Variants in FAM117B observed in about 807,000 individuals in gnomAD.
The protein encoded by FAM117B is family with sequence similarity 117 member B, also known as protein FAM117B.
In FAM117B, 22 loss-of-function variants were observed where a neutral mutation model predicts 52.8. The observed-to-expected ratio is 0.42, with a 90% CI of 0.30 to 0.59. The LOEUF (loss-of-function observed/expected upper bound fraction) is 0.59, where lower values mean the gene tolerates loss of function less well. Ranked by LOEUF, FAM117B falls within the 20% of genes least tolerant of loss-of-function variation. FAM117B has a pLI of 0.22. For synonymous variants in FAM117B, 309 were observed against 324.1 expected, an observed-to-expected ratio of 0.95 and a Z score of 0.50; for missense variants, 678 against 802.6, an observed-to-expected ratio of 0.84 and a Z score of 1.88.
intron 1 of FAM117B, among the ~76,000 whole-genome samples, chr2:202,662,837 C>T (rs1346064245): frequency 6.6e-6 from 1 of 151,856 alleles, no homozygotes; most frequent in Non-Finnish European, 1.5e-5. Context: ...AGTGAGACTC[C>T]ATCTCAAAAG....
In FAM117B at chr2:202,652,328, T is replaced by C. The variant is rs188467332; in HGVS notation, c.601+16540T>C. ...GTTGCCCAGGCTGGCCTCAAACTCA[T>C]GGCTTCAGACAATCCTCTTTCTTTG... On this transcript the variant is annotated intron_variant, in intron 1 of 7. Coordinates refer to ENST00000392238, the MANE Select transcript of FAM117B (RefSeq NM_173511.4). 1.9e-4 allele frequency among the ~76,000 whole-genome samples: 29 copies of C among 152,210 alleles called. No individual in the cohort carries two copies. In the East Asian group the frequency reaches 4.8e-3, roughly 25 times the overall value.
intron 1 of FAM117B, among the ~76,000 whole-genome samples, chr2:202,667,083 C>T (rs1308336116): frequency 6.6e-6 from 1 of 152,002 alleles, no homozygotes; most frequent in African/African-American, 2.4e-5. Context: ...CTCCAGGCCT[C>T]TATTTGAGTT....
At chr2:202,652,121 C>G (rs991974057) in intron 1 of FAM117B, among the ~76,000 whole-genome samples, 3 of 148,890 alleles carry the variant, frequency 2.0e-5, no homozygotes, top group Admixed American at 1.3e-4. Flanking sequence ...TTTTTAAAGA[C>G]AAGGTCTTGC....
chr2:202,678,706 G>A (rs186684336), intron 1 of FAM117B, among the ~76,000 whole-genome samples: 15 of 152,278 alleles, frequency 9.9e-5, no homozygotes, highest in African/African-American at 2.9e-4. Flanking sequence ...ACAGGCATGC[G>A]CCACCACGCC....
chr2:202,736,912 A>T (rs1691446862), intron 4 of FAM117B, among the ~76,000 whole-genome samples: 1 of 141,242 alleles, frequency 7.1e-6, no homozygotes, highest in East Asian at 1.9e-4. Flanking sequence ...ACATTTTCAT[A>T]AAAAAAAAAA....
At chr2:202,708,146 G>T (rs1161655720) in intron 2 of FAM117B, among the ~76,000 whole-genome samples, 1 of 152,106 alleles carries the variant, frequency 6.6e-6, no homozygotes, top group Non-Finnish European at 1.5e-5. Flanking sequence ...AAATATAATA[G>T]GTATGATAAT....
At chr2:202,640,143 C>A (rs1271776783) in intron 1 of FAM117B, among the ~76,000 whole-genome samples, 1 of 150,536 alleles carries the variant, frequency 6.6e-6, no homozygotes. Flanking sequence ...TGGTGGCAGG[C>A]GCCTATAATC....
intron 1 of FAM117B, among the ~76,000 whole-genome samples, chr2:202,676,813 G>A (rs1690385461): frequency 6.6e-6 from 1 of 152,190 alleles, no homozygotes; most frequent in Non-Finnish European, 1.5e-5. Flanking sequence ...AGCCTTAGGA[G>A]GTTGAAAGAA....
At chr2:202,659,604 CTTTTTTTT>C (rs71030981) in intron 1 of FAM117B, among the ~76,000 whole-genome samples, 1,075 of 62,094 alleles carry the variant, frequency 0.017, 17 homozygotes, top group African/African-American at 0.063. Flanking sequence ...AGCCACCGTG[CTTTTTTTT>C]TTTTTTTTTT....
chr2:202,720,358 G>A (rs1033947557), intron 2 of FAM117B, among the ~76,000 whole-genome samples: 1 of 151,670 alleles, frequency 6.6e-6, no homozygotes, highest in Non-Finnish European at 1.5e-5. Flanking sequence ...CTACAGCTGT[G>A]ATTCAAGAGT....
intron 1 of FAM117B, among the ~76,000 whole-genome samples, chr2:202,648,561 A>C (rs1056900713): frequency 1.5e-5 from 2 of 135,272 alleles, no homozygotes; most frequent in African/African-American, 5.4e-5. Context: ...ATATGTATGT[A>C]TGTGTGTGTG....
intron 4 of FAM117B, among the ~76,000 whole-genome samples, chr2:202,750,773 A>G (rs555297667): frequency 1.3e-5 from 2 of 152,310 alleles, no homozygotes; most frequent in South Asian, 2.1e-4. Flanking sequence ...CTCTGTTCCC[A>G]GGTGTAGCTT....
chr2:202,733,800 A>G (rs1041657400), intron 4 of FAM117B, among the ~76,000 whole-genome samples: 4 of 152,352 alleles, frequency 2.6e-5, no homozygotes, highest in East Asian at 3.9e-4. Flanking sequence ...ATGTTGTACA[A>G]TCAATTTGTA....
chr2:202,662,334 T>A (rs1690142816), intron 1 of FAM117B, among the ~76,000 whole-genome samples: 1 of 151,994 alleles, frequency 6.6e-6, no homozygotes, highest in African/African-American at 2.4e-5. Flanking sequence ...TCTAAAAAAA[T>A]TCGTTTCATA....
chr2:202,749,503 A>G (rs1691688617), intron 4 of FAM117B, among the ~76,000 whole-genome samples: 1 of 151,932 alleles, frequency 6.6e-6, no homozygotes, highest in South Asian at 2.1e-4. Context: ...TTAAAAGTGT[A>G]TATGTATATA....
chr2:202,658,031 A>G (rs908504613), intron 1 of FAM117B, among the ~76,000 whole-genome samples: 4 of 152,162 alleles, frequency 2.6e-5, no homozygotes, highest in African/African-American at 7.2e-5. Context: ...TTTACATTAC[A>G]GTGATTCTAT....
chr2:202,759,335 A>G lies in FAM117B; in HGVS notation c.1433A>G (p.Lys478Arg). 1 of 1,613,788 alleles carries G rather than the reference A, an allele frequency of 6.2e-7. No individual in the cohort carries two copies. Among genetic ancestry groups the G allele is most frequent in the African/African-American group, 1.3e-5 (1 of 75,008 alleles). ...REPPEGCERV[K>R]VFEECSPKQL... ...CCTCCTGAGGGCTGTGAAAGGGTCA[A>G]AGTCTTTGAGGAATGCTCGTAAGTA... is the stretch of plus-strand genomic sequence containing the variant. The change falls in exon 7 of 8, where the codon AAA becomes AGA. Residue 478 changes from lysine to arginine, a missense_variant. Physicochemically the swap from Lys to Arg is conservative, Grantham distance 26. Transcript: ENST00000392238.
chr2:202,653,682 T>G (rs1490351365), intron 1 of FAM117B, among the ~76,000 whole-genome samples: 1 of 152,228 alleles, frequency 6.6e-6, no homozygotes, highest in Non-Finnish European at 1.5e-5. Context: ...ACACGTTAAT[T>G]GAACCTTAGA....
intron 3 of FAM117B, 63 bp downstream of exon 3, chr2:202,725,072 T>G: frequency 7.9e-7 from 1 of 1,268,422 alleles, no homozygotes; most frequent in Non-Finnish European, 1.1e-6. Flanking sequence ...GCTATTTCCT[T>G]GATATTATGG....
Sources: gnomAD v4.1 joint callset for allele counts (sites outside exome capture counted in the v4.1 genomes callset) on GRCh38, gnomAD v4.1.1 for gene constraint, MANE v1.5 for transcripts, NCBI Gene and HGNC (gene_info 2026-07-23, HGNC 2026-07-21) for gene names.